Variants in ZFHX3 observed in about 807,000 individuals in gnomAD.
ZFHX3 encodes zinc finger homeobox 3.
A neutral mutation model predicts 279.1 loss-of-function variants in ZFHX3; 42 were observed. The ratio of observed to expected loss-of-function variants is 0.15; its 90% CI spans 0.12 to 0.19. The LOEUF (loss-of-function observed/expected upper bound fraction) is 0.19, where lower values mean the gene tolerates loss of function less well. Among genes scored for constraint, ZFHX3 ranks in the 10% least tolerant of loss-of-function variants. The pLI is 1.00. For missense variants in ZFHX3, 4,981 were observed against 4,754.0 expected, an observed-to-expected ratio of 1.05 and a Z score of -1.40; for synonymous variants, 2,293 against 1,957.8, an observed-to-expected ratio of 1.17 and a Z score of -4.52.
intron 3 of ZFHX3, among the ~76,000 whole-genome samples, chr16:73,384,316 C>A (rs1482277147): frequency 6.6e-6 from 1 of 152,168 alleles, no homozygotes; most frequent in Non-Finnish European, 1.5e-5. Flanking sequence ...GGCTGCAAAG[C>A]CTGAAATATT....
At chr16:73,404,106 AG>A (rs1357571838) in intron 3 of ZFHX3, among the ~76,000 whole-genome samples, 1 of 152,162 alleles carries the variant, frequency 6.6e-6, no homozygotes, top group Admixed American at 6.5e-5. Context: ...CAGTCTCCTA[AG>A]TGCTCTGCCT....
chr16:73,196,008 T>C (rs1255669018), intron 5 of ZFHX3, among the ~76,000 whole-genome samples: 1 of 152,152 alleles, frequency 6.6e-6, no homozygotes, highest in Non-Finnish European at 1.5e-5. Flanking sequence ...ACATATTAGG[T>C]ACTCAGTAAG....
At position 73,868,531 on chromosome 16, in the gene ZFHX3, CA is replaced by C. The variant is rs538376207; in HGVS notation, c.-1608+23119del. Among the ~76,000 whole-genome samples the C allele has an allele frequency of 1.2e-3, 176 of 152,208 alleles. 1 individual carries two copies. Among genetic ancestry groups the C allele is most frequent in the African/African-American group, 4.1e-3 (171 of 41,542 alleles). On this transcript the variant is annotated intron_variant, in intron 1 of 17. Coordinates refer to the ZFHX3 transcript ENST00000641206. ...AGAGCAGGATTCCATCTCAAACAAACAAAAAAGATTTAAACAATGTAACAGT... is the reference window on the plus strand; with the variant it reads ...AGAGCAGGATTCCATCTCAAACAAACAAAAAGATTTAAACAATGTAACAGT...
chr16:72,925,837 C>T (rs1406938460), intron 3 of ZFHX3, among the ~76,000 whole-genome samples: 1 of 152,248 alleles, frequency 6.6e-6, no homozygotes, highest in Admixed American at 6.5e-5. Flanking sequence ...GCTTTTACGT[C>T]CTCTTGAAGA....
At chr16:73,576,180 T>C (rs2051797647) in intron 2 of ZFHX3, among the ~76,000 whole-genome samples, 1 of 152,216 alleles carries the variant, frequency 6.6e-6, no homozygotes, top group Non-Finnish European at 1.5e-5. Flanking sequence ...AATCCCCATT[T>C]AAGCAGTGAC....
At chr16:73,058,256 GGCA>G (rs1272499127) in intron 1 of ZFHX3, among the ~76,000 whole-genome samples, 1 of 143,316 alleles carries the variant, frequency 7.0e-6, no homozygotes, top group Non-Finnish European at 1.5e-5. Context: ...CGGCGGCGGC[GGCA>G]GCGGCGGGAG....
At chr16:73,856,168 A>G (rs1283840278) in intron 1 of ZFHX3, among the ~76,000 whole-genome samples, 1 of 152,188 alleles carries the variant, frequency 6.6e-6, no homozygotes, top group Admixed American at 6.5e-5. Context: ...CATGGGAAGG[A>G]GAGGGAAGGT....
chr16:73,051,639 A>G (rs781599115), upstream of ZFHX3, among the ~76,000 whole-genome samples: 3 of 152,222 alleles, frequency 2.0e-5, no homozygotes, highest in Non-Finnish European at 2.9e-5. Context: ...AAATCTGTCA[A>G]TGATATCCCA....
chr16:73,114,612 G>A (rs1413846485), intron 7 of ZFHX3, among the ~76,000 whole-genome samples: 1 of 152,056 alleles, frequency 6.6e-6, no homozygotes, highest in African/African-American at 2.4e-5. Flanking sequence ...CCAGGAGGTC[G>A]AGGCTGTAGT....
At chr16:73,342,200 A>T (rs2016044576) in intron 3 of ZFHX3, among the ~76,000 whole-genome samples, 3 of 152,204 alleles carry the variant, frequency 2.0e-5, no homozygotes, top group Admixed American at 2.0e-4. Context: ...AGGCCTTTTC[A>T]TAACTTGTTA....
chr16:73,114,137 C>T (rs944381306), intron 7 of ZFHX3, among the ~76,000 whole-genome samples: 1 of 151,400 alleles, frequency 6.6e-6, no homozygotes, highest in Non-Finnish European at 1.5e-5. Flanking sequence ...GTTGCCCAGG[C>T]TGGTCTCGAA....
chr16:73,544,011 A>AATT (rs2020066731), intron 2 of ZFHX3: 1 of 152,246 alleles, frequency 6.6e-6, no homozygotes, highest in African/African-American at 2.4e-5. Context: ...CCTCACAGGT[A>AATT]ATTAAAAGGA....
At chr16:72,804,315 GA>G (rs1477245633) in intron 7 of ZFHX3, among the ~76,000 whole-genome samples, 1 of 152,166 alleles carries the variant, frequency 6.6e-6, no homozygotes, top group Non-Finnish European at 1.5e-5. Context: ...CTGAGATGCA[GA>G]GAGCCAGACA....
chr16:73,366,640 G>A (rs891003629), intron 3 of ZFHX3, among the ~76,000 whole-genome samples: 1 of 151,380 alleles, frequency 6.6e-6, no homozygotes, highest in Non-Finnish European at 1.5e-5. Flanking sequence ...GCAACTCCAT[G>A]GAGCAATGGT....
At chr16:73,676,218 A>G (rs150070352) in intron 2 of ZFHX3, among the ~76,000 whole-genome samples, 4 of 152,148 alleles carry the variant, frequency 2.6e-5, no homozygotes, top group Admixed American at 2.0e-4. Flanking sequence ...TTTTGACTAT[A>G]AATTATTTTT....
At chr16:73,069,060 TCTGA>T (rs1965792188) in intron 8 of ZFHX3, among the ~76,000 whole-genome samples, 1 of 152,196 alleles carries the variant, frequency 6.6e-6, no homozygotes, top group South Asian at 2.1e-4. Flanking sequence ...CTGGGTTGAC[TCTGA>T]CTGATGCTGC....
At chr16:73,217,886 T>TAA (rs1260351289) in intron 5 of ZFHX3, among the ~76,000 whole-genome samples, 1 of 144,152 alleles carries the variant, frequency 6.9e-6, no homozygotes, top group Admixed American at 6.9e-5. Context: ...GTAGTTAACC[T>TAA]AAAAAAAAAA....
intron 3 of ZFHX3, among the ~76,000 whole-genome samples, chr16:73,450,869 A>G (rs1479195884): frequency 6.6e-6 from 1 of 152,128 alleles, no homozygotes; most frequent in Non-Finnish European, 1.5e-5. Context: ...TTTCTTATTA[A>G]TGTAGTGTAT....
intron 1 of ZFHX3, among the ~76,000 whole-genome samples, chr16:73,804,883 ACC>A (rs1960233010): frequency 8.8e-6 from 1 of 113,840 alleles, no homozygotes; most frequent in African/African-American, 3.6e-5. Context: ...ACACACACAC[ACC>A]CACACCAAAG....
Sources: gnomAD v4.1 joint callset for allele counts (sites outside exome capture counted in the v4.1 genomes callset) on GRCh38, gnomAD v4.1.1 for gene constraint, MANE v1.5 for transcripts, NCBI Gene and HGNC (gene_info 2026-07-23, HGNC 2026-07-21) for gene names.